The following GRID2 variants were observed in gnomAD, a reference collection of about 807,000 sequenced individuals.
The protein encoded by GRID2 is glutamate ionotropic receptor delta type subunit 2.
In GRID2, 33 loss-of-function variants were observed where a neutral mutation model predicts 114.8. That is an observed-to-expected ratio of 0.29 (90% CI 0.22 to 0.38). GRID2 has a LOEUF of 0.38. GRID2 is among the 10% of genes least tolerant of loss of function. GRID2 has a pLI of 1.00. For synonymous variants in GRID2, 505 were observed against 449.9 expected (o/e 1.12, Z -1.55); for missense variants, 1,184 against 1,257.7 (o/e 0.94, Z 0.89).
rs1726318461 is a variant in GRID2, at chr4:93,485,691, A to AT, written c.1859-4947dup. On this transcript the variant is annotated intron_variant, in intron 11 of 15. Transcript: ENST00000282020. Reference sequence around the variant, plus strand: ...CTGGGTATAAATCAAGTGCCTATGTATGCATGGACAACTTTCATTTATTTA... The same window carrying AT: ...CTGGGTATAAATCAAGTGCCTATGTATTGCATGGACAACTTTCATTTATTTA... Among the ~76,000 whole-genome samples, 2 of 151,748 alleles carry AT rather than the reference A, an allele frequency of 1.3e-5. 1 individual carries two copies. The highest frequency in any genetic ancestry group is 3.9e-4 in the East Asian group (2 of 5,142).
intron 14 of GRID2, among the ~76,000 whole-genome samples, chr4:93,684,053 T>C (rs910701705): frequency 2.0e-5 from 3 of 152,106 alleles, no homozygotes; most frequent in African/African-American, 7.2e-5. Context: ...AAGGAAGATA[T>C]AAAATTATAT....
intron 14 of GRID2, among the ~76,000 whole-genome samples, chr4:93,678,119 G>A (rs1355912997): frequency 6.6e-6 from 1 of 152,172 alleles, no homozygotes; most frequent in Non-Finnish European, 1.5e-5. Context: ...CTCGAGAACT[G>A]CATGAAGAAT....
intron 2 of GRID2, among the ~76,000 whole-genome samples, chr4:92,940,964 G>A (rs1233270735): frequency 6.6e-6 from 1 of 152,154 alleles, no homozygotes; most frequent in African/African-American, 2.4e-5. Flanking sequence ...GCTGGATTCG[G>A]TTTGCCAGTA....
At chr4:92,904,919 T>C (rs2149484415) in intron 2 of GRID2, among the ~76,000 whole-genome samples, 1 of 152,198 alleles carries the variant, frequency 6.6e-6, no homozygotes, top group African/African-American at 2.4e-5. Context: ...TAGTAGATCA[T>C]GTTAATCTAA....
At chr4:93,791,294 C>G (rs913661058) in intron 1 of GRID2, among the ~76,000 whole-genome samples, 1 of 152,088 alleles carries the variant, frequency 6.6e-6, no homozygotes, top group African/African-American at 2.4e-5. Flanking sequence ...TATGCACCAC[C>G]TCGTGTCAGG....
intron 13 of GRID2, among the ~76,000 whole-genome samples, chr4:93,554,486 A>T: frequency 6.6e-6 from 1 of 152,098 alleles, no homozygotes; most frequent in African/African-American, 2.4e-5. Context: ...GTACATGTTT[A>T]TGGGGTACTT....
intron 4 of GRID2, among the ~76,000 whole-genome samples, chr4:93,139,802 T>C (rs924913366): frequency 6.6e-6 from 1 of 151,652 alleles, no homozygotes; most frequent in South Asian, 2.1e-4. Context: ...ATTATTGTAG[T>C]TACTTGCAGA....
At chr4:93,658,827 T>C (rs534348143) in intron 14 of GRID2, among the ~76,000 whole-genome samples, 1 of 152,296 alleles carries the variant, frequency 6.6e-6, no homozygotes, top group South Asian at 2.1e-4. Flanking sequence ...AGTTTTTATA[T>C]AGGGAAACTG....
At chr4:92,719,580 A>T (rs1248802762) in intron 2 of GRID2, among the ~76,000 whole-genome samples, 1 of 152,128 alleles carries the variant, frequency 6.6e-6, no homozygotes, top group East Asian at 1.9e-4. Context: ...AATGCTACTA[A>T]AAGGTAGAGA....
At chr4:93,799,013 A>G (rs924226796) in intron 1 of GRID2, among the ~76,000 whole-genome samples, 1 of 152,216 alleles carries the variant, frequency 6.6e-6, no homozygotes, top group Admixed American at 6.5e-5. Context: ...CTCAGAGAAC[A>G]GGAGCTCCGA....
chr4:93,592,906 C>T lies in GRID2; in HGVS notation c.2194-33363C>T, dbSNP rs990870805. On this transcript the variant is annotated intron_variant, in intron 13 of 15. Coordinates refer to ENST00000282020, the MANE Select transcript of GRID2 (RefSeq NM_001510.4). ...CCTGCCTTTTTTTGTTTTCCATTTG[C>T]TTGGTAGATCTTCCTCCATCCTTTT... Among the ~76,000 whole-genome samples the T allele has an allele frequency of 1.3e-4, 20 of 151,696 alleles. No homozygotes were observed. The South Asian group carries it at 2.1e-3, about 16-fold the overall frequency.
chr4:93,056,619 T>A (rs1727269463), intron 2 of GRID2, among the ~76,000 whole-genome samples: 1 of 151,988 alleles, frequency 6.6e-6, no homozygotes, highest in Admixed American at 6.6e-5. Context: ...TTTTCAATTA[T>A]AATTACCTTT....
At chr4:92,612,773 T>G (rs1729817799) in intron 2 of GRID2, among the ~76,000 whole-genome samples, 1 of 151,620 alleles carries the variant, frequency 6.6e-6, no homozygotes, top group Admixed American at 6.6e-5. Context: ...TTTTGTATTT[T>G]GATCTGAAAA....
intron 11 of GRID2, among the ~76,000 whole-genome samples, chr4:93,470,204 G>A (rs1413122796): frequency 2.0e-5 from 3 of 152,194 alleles, no homozygotes; most frequent in Non-Finnish European, 2.9e-5. Flanking sequence ...CACAAACAAT[G>A]TCCAGGATGG....
intron 13 of GRID2, among the ~76,000 whole-genome samples, chr4:93,602,897 A>G (rs1405270235): frequency 1.3e-5 from 2 of 152,232 alleles, no homozygotes; most frequent in South Asian, 4.1e-4. Context: ...TGCTACTCCA[A>G]TGAATGCATG....
intron 1 of GRID2, among the ~76,000 whole-genome samples, chr4:92,384,548 A>ATATATGT: frequency 2.4e-5 from 1 of 41,880 alleles, no homozygotes; most frequent in African/African-American, 8.9e-5. Flanking sequence ...ATAATATATA[A>ATATATGT]TATATATTAT....
At chr4:93,176,847 T>C (rs779822982) in intron 4 of GRID2, among the ~76,000 whole-genome samples, 1 of 152,208 alleles carries the variant, frequency 6.6e-6, no homozygotes, top group African/African-American at 2.4e-5. Flanking sequence ...CTCATGTGTG[T>C]GTGAATACAC....
intron 2 of GRID2, among the ~76,000 whole-genome samples, chr4:92,838,172 T>G (rs1329707621): frequency 6.6e-6 from 1 of 152,064 alleles, no homozygotes; most frequent in African/African-American, 2.4e-5. Context: ...CCTGTGGAGA[T>G]ATTAAGAAAA....
chr4:92,739,931 T>C (rs1191481937), intron 2 of GRID2, among the ~76,000 whole-genome samples: 2 of 152,148 alleles, frequency 1.3e-5, no homozygotes, highest in Non-Finnish European at 2.9e-5. Context: ...TTACCTTCCA[T>C]AATATTTTTT....
Sources: gnomAD v4.1 joint callset for allele counts (sites outside exome capture counted in the v4.1 genomes callset) on GRCh38, gnomAD v4.1.1 for gene constraint, MANE v1.5 for transcripts, NCBI Gene and HGNC (gene_info 2026-07-23, HGNC 2026-07-21) for gene names.